Variants in CIB4 observed in about 807,000 individuals in gnomAD.
The protein encoded by CIB4 is calcium and integrin-binding family member 4.
Under a neutral mutation model 25.8 loss-of-function variants are expected in CIB4, and 25 were observed. The ratio of observed to expected loss-of-function variants is 0.97; its 90% CI spans 0.71 to 1.35. The LOEUF is 1.35. Ranked by LOEUF, CIB4 falls within the 40% of genes most tolerant of loss-of-function variation. CIB4 has a pLI of 0.00. For missense variants in CIB4, 235 were observed against 228.2 expected (o/e 1.03, Z -0.19); for synonymous variants, 75 against 81.4 (o/e 0.92, Z 0.42).
In CIB4 at chr2:26,589,050, CTT is replaced by C. The variant is rs1558554773; in HGVS notation, c.329-5154_329-5153del. Among the ~76,000 whole-genome samples the C allele has an allele frequency of 1.5e-3, 85 of 56,464 alleles. 3 individuals are homozygous for C. The highest frequency in any genetic ancestry group is 2.1e-3 in the African/African-American group (28 of 13,340). 37.0% of individuals were successfully genotyped at this position (56,464 alleles called of 152,430 possible). ...TCTTCTTCTTCTTCTTCTTCTTCTT[CTT>C]CTTCTTCCTCTTCCTCTTCCTCTTC... is the stretch of plus-strand genomic sequence containing the variant. On this transcript the variant is annotated intron_variant, in intron 4 of 6. Coordinates refer to ENST00000288861, the MANE Select transcript of CIB4 (RefSeq NM_001029881.3).
At chr2:26,581,486 C>A in intron 6 of CIB4, 93 bp from the exon 7 acceptor site, 5 of 1,238,022 alleles carry the variant, frequency 4.0e-6, no homozygotes, top group Non-Finnish European at 5.9e-6. Flanking sequence ...GCTCCCTCCC[C>A]GGCCTGCATC....
chr2:26,631,573 G>A (rs774347240), intron 2 of CIB4, among the ~76,000 whole-genome samples: 2 of 152,196 alleles, frequency 1.3e-5, no homozygotes, highest in African/African-American at 4.8e-5. Context: ...GAGCCCTGAC[G>A]ATGGTAGGTG....
chr2:26,614,350 C>T (rs1412261553), intron 3 of CIB4, among the ~76,000 whole-genome samples: 1 of 152,176 alleles, frequency 6.6e-6, no homozygotes, highest in Non-Finnish European at 1.5e-5. Flanking sequence ...AGCATGTCCC[C>T]AGGCCCACCG....
chr2:26,620,533 T>C (rs1669185991), intron 3 of CIB4, among the ~76,000 whole-genome samples: 1 of 152,164 alleles, frequency 6.6e-6, no homozygotes, highest in East Asian at 1.9e-4. Context: ...AACATACAGG[T>C]GCTGAACTCT....
chr2:26,595,380 C>A, intron 3 of CIB4, 63 bp from the exon 4 acceptor site: 1 of 1,543,272 alleles, frequency 6.5e-7, no homozygotes, highest in South Asian at 1.2e-5. Context: ...CTCCCTGGGT[C>A]TCTCTCATCT....
At chr2:26,591,910 C>T (rs1206029601) in intron 4 of CIB4, among the ~76,000 whole-genome samples, 1 of 152,232 alleles carries the variant, frequency 6.6e-6, no homozygotes, top group African/African-American at 2.4e-5. Context: ...ACAACGTGGG[C>T]AAGCTCATGA....
intron 3 of CIB4, among the ~76,000 whole-genome samples, chr2:26,595,896 C>T (rs1275756364): frequency 6.4e-4 from 3 of 4,668 alleles, no homozygotes; most frequent in Non-Finnish European, 1.4e-3. Context: ...CTTATCTGCG[C>T]GCACACACAC....
At chr2:26,617,137 T>TGTGTGTGTGTGG (rs1669108992) in intron 3 of CIB4, among the ~76,000 whole-genome samples, 1 of 148,710 alleles carries the variant, frequency 6.7e-6, no homozygotes. Flanking sequence ...TGTGTGTGTG[T>TGTGTGTGTGTGG]GTGTGTGTGT....
intron 4 of CIB4, among the ~76,000 whole-genome samples, chr2:26,586,161 G>C (rs1326596511): frequency 6.6e-6 from 1 of 152,142 alleles, no homozygotes; most frequent in Admixed American, 6.5e-5. Context: ...AGCAGCCCGG[G>C]TGATCTGTTG....
At chr2:26,636,635 C>T (rs527891969) in intron 2 of CIB4, among the ~76,000 whole-genome samples, 4 of 152,208 alleles carry the variant, frequency 2.6e-5, no homozygotes, top group Admixed American at 1.3e-4. Context: ...TTGGTTTACT[C>T]GCTAGTTTTA....
At chr2:26,614,455 T>C (rs538595216) in intron 3 of CIB4, among the ~76,000 whole-genome samples, 28 of 152,262 alleles carry the variant, frequency 1.8e-4, no homozygotes, top group African/African-American at 6.5e-4. Flanking sequence ...TAGCGTGTCA[T>C]TTGCACTAGA....
intron 4 of CIB4, among the ~76,000 whole-genome samples, chr2:26,590,143 G>T (rs926845533): frequency 6.6e-6 from 1 of 150,922 alleles, no homozygotes; most frequent in African/African-American, 2.4e-5. Context: ...TAGAGCAACA[G>T]TTCTCACAGT....
chr2:26,594,650 C>T (rs1291946393), intron 4 of CIB4, among the ~76,000 whole-genome samples: 1 of 152,166 alleles, frequency 6.6e-6, no homozygotes, highest in African/African-American at 2.4e-5. Context: ...GCTAAGCAGA[C>T]ATTTGCCTGG....
At chr2:26,625,541 G>A (rs942024663) in intron 3 of CIB4, among the ~76,000 whole-genome samples, 3 of 151,980 alleles carry the variant, frequency 2.0e-5, no homozygotes, top group Non-Finnish European at 2.9e-5. Context: ...TAGTAGAGAC[G>A]GGGTTTTTCC....
intron 3 of CIB4, among the ~76,000 whole-genome samples, chr2:26,616,082 T>C (rs1669086800): frequency 6.6e-6 from 1 of 152,154 alleles, no homozygotes; most frequent in Admixed American, 6.5e-5. Context: ...CTGGGCTGCT[T>C]AACCCCTGTG....
intron 3 of CIB4, among the ~76,000 whole-genome samples, chr2:26,597,416 C>T (rs1247877900): frequency 4.8e-5 from 7 of 146,524 alleles, no homozygotes; most frequent in South Asian, 2.1e-4. Flanking sequence ...GGATCAGTTA[C>T]GACAGCTATT....
At chr2:26,600,071 CAAAAA>C (rs34881604) in intron 3 of CIB4, among the ~76,000 whole-genome samples, 5 of 115,680 alleles carry the variant, frequency 4.3e-5, no homozygotes, top group Admixed American at 1.7e-4. Context: ...GACTCTGTCT[CAAAAA>C]AAAAAAAAAA....
At chr2:26,589,043 T>C (rs1443240193) in intron 4 of CIB4, among the ~76,000 whole-genome samples, 2 of 50,870 alleles carry the variant, frequency 3.9e-5, no homozygotes, top group Non-Finnish European at 7.8e-5. Context: ...TTCTTCTTCT[T>C]CTTCTTCTTC....
chr2:26,583,328 A>C (rs1668387963), intron 5 of CIB4, among the ~76,000 whole-genome samples: 1 of 152,140 alleles, frequency 6.6e-6, no homozygotes, highest in African/African-American at 2.4e-5. Flanking sequence ...GCAGAGATCC[A>C]TGCCCTGACT....
Sources: gnomAD v4.1 joint callset for allele counts (sites outside exome capture counted in the v4.1 genomes callset) on GRCh38, gnomAD v4.1.1 for gene constraint, MANE v1.5 for transcripts, NCBI Gene and HGNC (gene_info 2026-07-23, HGNC 2026-07-21) for gene names.